MGAT5: variants seen among roughly 807,000 people sequenced by gnomAD.
MGAT5 encodes the protein alpha-1,6-mannosylglycoprotein 6-beta-N-acetylglucosaminyltransferase A.
A neutral mutation model predicts 94.3 loss-of-function variants in MGAT5; 30 were observed. The ratio of observed to expected loss-of-function variants is 0.32; its 90% CI spans 0.24 to 0.43. MGAT5 has a LOEUF of 0.43. Among genes scored for constraint, MGAT5 ranks in the 20% least tolerant of loss-of-function variants. The pLI, the probability that MGAT5 is intolerant of heterozygous loss-of-function variation, is 1.00. For missense variants in MGAT5, 691 were observed against 905.5 expected (o/e 0.76, Z 3.04); for synonymous variants, 310 against 322.9 (o/e 0.96, Z 0.43).
intron 1 of MGAT5, among the ~76,000 whole-genome samples, chr2:134,194,579 C>T (rs1679405093): frequency 6.6e-6 from 1 of 152,136 alleles, no homozygotes; most frequent in African/African-American, 2.4e-5. Flanking sequence ...ATCTTTTGCT[C>T]ACACTCTAGG....
intron 1 of MGAT5, among the ~76,000 whole-genome samples, chr2:134,186,562 G>C (rs946597959): frequency 6.6e-6 from 1 of 152,182 alleles, no homozygotes. Context: ...CCTAGGGTCA[G>C]AATCGGAGCA....
intron 14 of MGAT5, 130 bp downstream of exon 14, chr2:134,428,569 C>A: frequency 2.6e-6 from 2 of 767,172 alleles, no homozygotes; most frequent in Non-Finnish European, 4.3e-6. Flanking sequence ...ACTCTAGAAG[C>A]TGGATAATAG....
intron 1 of MGAT5, among the ~76,000 whole-genome samples, chr2:134,237,234 A>G (rs1681696267): frequency 6.6e-6 from 1 of 151,458 alleles, no homozygotes. Flanking sequence ...CCTAAATTTT[A>G]CTTGTGCCTC....
intron 5 of MGAT5, among the ~76,000 whole-genome samples, chr2:134,337,255 G>T (rs1688386575): frequency 6.6e-6 from 1 of 152,182 alleles, no homozygotes; most frequent in South Asian, 2.1e-4. Context: ...CAGGAGGATT[G>T]CTTGAGGCCA....
At position 134,158,386 on chromosome 2, in the gene MGAT5, G is replaced by A. The variant is rs548898375; in HGVS notation, c.-143+38095G>A. Among the ~76,000 whole-genome samples, 150 of 152,344 alleles carry A rather than the reference G, an allele frequency of 9.8e-4. 1 individual carries two copies. The Middle Eastern group carries it at 0.01, about 10-fold the overall frequency. On this transcript the variant is annotated intron_variant, in intron 1 of 16. Coordinates refer to the MGAT5 transcript ENST00000409645. ...TCATTGGTGCCCAAAGTCTGGAGGG[G>A]TGGCAGAGGGCTGGCATGTCAGCGC...
At chr2:134,259,940 C>A (rs1451237051) in intron 1 of MGAT5, among the ~76,000 whole-genome samples, 1 of 152,102 alleles carries the variant, frequency 6.6e-6, no homozygotes, top group East Asian at 1.9e-4. Flanking sequence ...ATCTGAGGGG[C>A]TACTTTGCAC....
chr2:134,191,465 C>T (rs1355739225), intron 1 of MGAT5, among the ~76,000 whole-genome samples: 2 of 152,134 alleles, frequency 1.3e-5, no homozygotes, highest in Admixed American at 1.3e-4. Flanking sequence ...CCTACCCCCC[C>T]CACCAGCAGG....
chr2:134,144,420 G>A (rs1686811467), intron 1 of MGAT5, among the ~76,000 whole-genome samples: 1 of 152,110 alleles, frequency 6.6e-6, no homozygotes, highest in Non-Finnish European at 1.5e-5. Context: ...ACTGTCAGGA[G>A]AATAGCACCT....
chr2:134,387,300 TG>T (rs1558847252), intron 10 of MGAT5, among the ~76,000 whole-genome samples: 5 of 39,690 alleles, frequency 1.3e-4, no homozygotes, highest in Non-Finnish European at 2.5e-4. Flanking sequence ...AAGTTATGTA[TG>T]ATATATATAT....
chr2:134,121,244 T>C lies in MGAT5; in HGVS notation c.-143+953T>C, dbSNP rs577086497. Among the ~76,000 whole-genome samples, 247 of 152,314 alleles carry C rather than the reference T, an allele frequency of 1.6e-3. 1 individual carries two copies. The highest frequency in any genetic ancestry group is 5.2e-3 in the African/African-American group (218 of 41,588). Reference sequence around the variant, plus strand: ...CGTGGGTGTTAGCCCCTGCTCCCCGTGGCGGGGTGGCCAGAGGCCTGGAGC... The same window carrying C: ...CGTGGGTGTTAGCCCCTGCTCCCCGCGGCGGGGTGGCCAGAGGCCTGGAGC... On this transcript the variant is annotated intron_variant, in intron 1 of 16. Transcript: ENST00000409645.
intron 1 of MGAT5, among the ~76,000 whole-genome samples, chr2:134,254,996 A>T (rs376916702): frequency 4.1e-4 from 62 of 152,162 alleles, no homozygotes; most frequent in African/African-American, 1.5e-3. Context: ...ATCTTTCCCT[A>T]AACAAAACTT....
intron 1 of MGAT5, among the ~76,000 whole-genome samples, chr2:134,168,492 A>G (rs1688056305): frequency 1.3e-5 from 2 of 152,216 alleles, no homozygotes. Context: ...TTACCATTTA[A>G]TATGTTCTGG....
chr2:134,295,849 G>C (rs1268222423), intron 2 of MGAT5, among the ~76,000 whole-genome samples: 13 of 152,152 alleles, frequency 8.5e-5, no homozygotes, highest in Admixed American at 7.9e-4. Context: ...AGTGCTTAAG[G>C]GTGGGGAGAT....
chr2:134,186,043 G>A (rs1054521881), intron 1 of MGAT5, among the ~76,000 whole-genome samples: 1 of 152,320 alleles, frequency 6.6e-6, no homozygotes, highest in Non-Finnish European at 1.5e-5. Context: ...CTTGGGGCTC[G>A]GGGCTCACAT....
intron 1 of MGAT5, among the ~76,000 whole-genome samples, chr2:134,165,218 T>A (rs550019029): frequency 6.6e-6 from 1 of 152,366 alleles, no homozygotes; most frequent in Admixed American, 6.5e-5. Context: ...GCATCGCTGC[T>A]CTAGCTGATG....
chr2:134,156,846 G>A (rs184107377), intron 1 of MGAT5, among the ~76,000 whole-genome samples: 15 of 152,258 alleles, frequency 9.9e-5, no homozygotes, highest in East Asian at 1.9e-4. Flanking sequence ...GGAGGGAGAC[G>A]GTGGTGTGGC....
intron 3 of MGAT5, among the ~76,000 whole-genome samples, chr2:134,318,198 G>A (rs1687112874): frequency 6.6e-6 from 1 of 152,182 alleles, no homozygotes; most frequent in Non-Finnish European, 1.5e-5. Context: ...AACCCCAGAA[G>A]CATTTGGGTG....
At chr2:134,415,830 C>T (rs975342327) in intron 12 of MGAT5, among the ~76,000 whole-genome samples, 2 of 152,116 alleles carry the variant, frequency 1.3e-5, no homozygotes, top group South Asian at 4.1e-4. Context: ...CATTCTTATG[C>T]TTGTGGAAAT....
intron 10 of MGAT5, among the ~76,000 whole-genome samples, chr2:134,366,063 A>G (rs1451413668): frequency 6.6e-6 from 1 of 152,142 alleles, no homozygotes; most frequent in Non-Finnish European, 1.5e-5. Context: ...AAATGAGACT[A>G]CTAACAGCCT....
Sources: gnomAD v4.1 joint callset for allele counts (sites outside exome capture counted in the v4.1 genomes callset) on GRCh38, gnomAD v4.1.1 for gene constraint, MANE v1.5 for transcripts, NCBI Gene and HGNC (gene_info 2026-07-23, HGNC 2026-07-21) for gene names.